Variants in RAPGEF5 observed in about 807,000 individuals in gnomAD.
RAPGEF5 encodes the protein M-Ras-regulated GEF.
A neutral mutation model predicts 125.2 loss-of-function variants in RAPGEF5; 65 were observed. The ratio of observed to expected loss-of-function variants is 0.52; its 90% CI spans 0.43 to 0.64. RAPGEF5 has a LOEUF of 0.64. Among genes scored for constraint, RAPGEF5 ranks in the 30% least tolerant of loss-of-function variants. The pLI, the probability that RAPGEF5 is intolerant of heterozygous loss-of-function variation, is 0.00. For missense variants in RAPGEF5, 958 were observed against 1,048.1 expected (o/e 0.91, Z 1.19); for synonymous variants, 391 against 385.9 (o/e 1.01, Z -0.16).
intron 17 of RAPGEF5, among the ~76,000 whole-genome samples, chr7:22,151,820 T>C (rs1165873644): frequency 6.6e-6 from 1 of 152,202 alleles, no homozygotes; most frequent in Non-Finnish European, 1.5e-5. Flanking sequence ...AGATTCTCTG[T>C]TTACTTTGTG....
At chr7:22,190,869 C>A (rs1269947166) in intron 11 of RAPGEF5, among the ~76,000 whole-genome samples, 3 of 152,208 alleles carry the variant, frequency 2.0e-5, no homozygotes, top group Admixed American at 2.0e-4. Flanking sequence ...CATGGACCCT[C>A]TCCTCCTCAC....
chr7:22,356,911 C>T lies in RAPGEF5; in HGVS notation c.150G>A (p.Leu50=). ...EPEREQPPAS[L]RPRLRDLPAL... is the part of the protein sequence containing the mutation. The stretch of plus-strand genomic sequence containing the variant: ...CGGGCAGGTCCCTCAGCCGCGGCCG[C>T]AGCGACGCCGGCGGCTGCTCGCGCT... Residue 50 remains leucine (L), a synonymous_variant, in exon 1 of 26, where the codon CTG becomes CTA. Coordinates refer to ENST00000665637, the MANE Select transcript of RAPGEF5 (RefSeq NM_012294.5). The T allele has an allele frequency of 4.5e-6, 5 of 1,106,842 alleles. No individual in the cohort carries two copies. The highest frequency in any genetic ancestry group is 5.5e-6 in the Non-Finnish European group (5 of 909,390). 68.6% of individuals were successfully genotyped at this position (1,106,842 alleles called of 1,614,324 possible). A position where few individuals can be genotyped will look rare whatever the true frequency, so the allele number is the denominator to read the frequency against.
intron 8 of RAPGEF5, among the ~76,000 whole-genome samples, chr7:22,222,803 C>T (rs1785824887): frequency 6.6e-6 from 1 of 152,078 alleles, no homozygotes; most frequent in Non-Finnish European, 1.5e-5. Context: ...GGTAGAAGAC[C>T]AGTTAGGAGC....
At chr7:22,235,985 A>C (rs1468757242) in intron 7 of RAPGEF5, among the ~76,000 whole-genome samples, 1 of 152,206 alleles carries the variant, frequency 6.6e-6, no homozygotes, top group African/African-American at 2.4e-5. Context: ...AGTAGGGGTC[A>C]GTGTTCACCA....
chr7:22,302,314 C>CT (rs1289984351), intron 5 of RAPGEF5, among the ~76,000 whole-genome samples: 1 of 152,124 alleles, frequency 6.6e-6, no homozygotes, highest in Non-Finnish European at 1.5e-5. Context: ...CAGCAGAAGC[C>CT]ATGTGGCTGA....
At chr7:22,267,214 G>T (rs1015726658) in intron 6 of RAPGEF5, among the ~76,000 whole-genome samples, 1 of 151,898 alleles carries the variant, frequency 6.6e-6, no homozygotes, top group African/African-American at 2.4e-5. Context: ...GAATCATATT[G>T]AATTACTTTT....
At chr7:22,262,744 C>T (rs1029231351) in intron 7 of RAPGEF5, among the ~76,000 whole-genome samples, 7 of 152,112 alleles carry the variant, frequency 4.6e-5, no homozygotes, top group African/African-American at 1.4e-4. Context: ...GAACACTATT[C>T]AGCAATGAAA....
intron 9 of RAPGEF5, among the ~76,000 whole-genome samples, chr7:22,210,608 G>A (rs1302603900): frequency 2.0e-5 from 3 of 152,096 alleles, no homozygotes; most frequent in Non-Finnish European, 4.4e-5. Context: ...CTACTATTAT[G>A]TGTTTCTTGG....
intron 6 of RAPGEF5, among the ~76,000 whole-genome samples, chr7:22,282,400 A>C (rs1472257732): frequency 1.3e-5 from 2 of 152,246 alleles, no homozygotes; most frequent in East Asian, 3.8e-4. Context: ...ATGCTATTTA[A>C]TATAATTCCA....
chr7:22,163,586 C>G (rs1478280586), intron 12 of RAPGEF5, among the ~76,000 whole-genome samples: 1 of 152,106 alleles, frequency 6.6e-6, no homozygotes, highest in Non-Finnish European at 1.5e-5. Flanking sequence ...TTAGCATTTC[C>G]TAATTTATAC....
At chr7:22,190,530 C>T (rs918394247) in intron 11 of RAPGEF5, among the ~76,000 whole-genome samples, 1 of 152,028 alleles carries the variant, frequency 6.6e-6, no homozygotes, top group Non-Finnish European at 1.5e-5. Flanking sequence ...TAGTTGTTTC[C>T]TATTCTATTC....
chr7:22,154,245 T>C (rs928505418), intron 17 of RAPGEF5, among the ~76,000 whole-genome samples: 2 of 152,194 alleles, frequency 1.3e-5, no homozygotes, highest in Admixed American at 1.3e-4. Context: ...TGCCTCTCTA[T>C]TCAGTTCTTG....
At chr7:22,224,556 T>G (rs1283009755) in intron 8 of RAPGEF5, among the ~76,000 whole-genome samples, 1 of 152,076 alleles carries the variant, frequency 6.6e-6, no homozygotes, top group Non-Finnish European at 1.5e-5. Context: ...ACCTGTTCTG[T>G]GGTTTAATCA....
chr7:22,150,139 A>T (rs1174355054), intron 18 of RAPGEF5, among the ~76,000 whole-genome samples: 1 of 130,602 alleles, frequency 7.7e-6, no homozygotes, highest in Non-Finnish European at 1.5e-5. Flanking sequence ...GAGTGCAATG[A>T]TGAGATCACA....
chr7:22,162,329 TTAA>T, intron 13 of RAPGEF5, 65 bp downstream of exon 13: 1 of 1,462,798 alleles, frequency 6.8e-7, no homozygotes, highest in East Asian at 2.3e-5. Flanking sequence ...AATGAGATTT[TTAA>T]AATGCATAAC....
In RAPGEF5 at chr7:22,193,977, C is replaced by T. The variant is rs1260899834; in HGVS notation, c.1053G>A (p.Val351=). 1.3e-5 allele frequency: 21 copies of T among 1,613,824 alleles called. No individual in the cohort carries two copies. Among genetic ancestry groups the T allele is most frequent in the Non-Finnish European group, 1.6e-5 (19 of 1,179,882 alleles). Residue 351 remains valine, a synonymous_variant, in exon 10 of 26, where the codon GTG becomes GTA. Coordinates refer to ENST00000665637, the MANE Select transcript of RAPGEF5 (RefSeq NM_012294.5). The part of the protein sequence containing the change: ...QVKEQDQSVL[V]LKKVQCCGPA... ...GGCCACAGCACTGCACTTTCTTCAG[C>T]ACCAGGACGCTCTGGTCTTGCTCTT...
chr7:22,351,903 G>A (rs143952073), intron 1 of RAPGEF5, among the ~76,000 whole-genome samples: 236 of 152,222 alleles, frequency 1.6e-3, no homozygotes, highest in African/African-American at 4.7e-3. Flanking sequence ...TTTTTGAGAC[G>A]GAATCATCTG....
chr7:22,125,541 G>A (rs906725497), intron 25 of RAPGEF5, 63 bp downstream of exon 25: 1 of 1,473,024 alleles, frequency 6.8e-7, no homozygotes, highest in Admixed American at 1.7e-5. Flanking sequence ...CCCAATACTT[G>A]TGACCACAGT....
chr7:22,302,200 G>T (rs1404154674), intron 5 of RAPGEF5, among the ~76,000 whole-genome samples: 1 of 152,196 alleles, frequency 6.6e-6, no homozygotes, highest in Non-Finnish European at 1.5e-5. Context: ...AGCTAAATTT[G>T]TGGACTTTTC....
Sources: allele counts gnomAD v4.1 joint callset (sites outside exome capture counted in the v4.1 genomes callset), GRCh38; gene constraint gnomAD v4.1.1; transcripts MANE v1.5; gene names NCBI Gene and HGNC (gene_info 2026-07-23, HGNC 2026-07-21).